TASL: variants seen among roughly 807,000 people sequenced by gnomAD.
TASL encodes TLR adaptor interacting with endolysosomal SLC15A4.
TASL carries 6 observed loss-of-function variants against 12.9 expected under a neutral mutation model. The observed-to-expected ratio is 0.46, with a 90% CI of 0.25 to 0.92. TASL has a LOEUF of 0.92. Ranked by LOEUF, TASL falls within the 40% of genes least tolerant of loss-of-function variation. The pLI is 0.17. For missense variants in TASL, 165 were observed against 212.8 expected (o/e 0.78, Z 1.40); for synonymous variants, 85 against 79.3 (o/e 1.07, Z -0.38).
intron 2 of TASL, among the ~76,000 whole-genome samples, chrX:30,568,919 A>T (rs760465104): frequency 9.4e-6 from 1 of 106,740 alleles, no homozygotes; most frequent in Non-Finnish European, 1.9e-5. Context: ...GGGTCTGATG[A>T]CGGAAAAACA....
Position 30,559,368 on chromosome X carries a change from C to A in TASL, c.*82G>T, listed in dbSNP as rs980974253. On this transcript the variant is annotated 3_prime_UTR_variant, in exon 3 of 3. Transcript: ENST00000378962. ...AGCCCTTAATTCCCCTTCACTAACC[C>A]CTCCTGCACATTCTCAGAATAAATG... is the stretch of plus-strand genomic sequence containing the variant. 6.8e-5 allele frequency: 51 copies of A among 751,407 alleles called. No homozygotes were observed. Among genetic ancestry groups the A allele is most frequent in the Non-Finnish European group, 9.5e-5 (49 of 516,544 alleles). The allele number at this position is 751,407 out of a possible 1,213,427, so 61.9% of individuals were successfully genotyped here. A position where few individuals can be genotyped will look rare whatever the true frequency, so the allele number is the denominator to read the frequency against.
intron 2 of TASL, 111 bp from the exon 3 acceptor site, chrX:30,560,467 T>C (rs752691713): frequency 2.7e-4 from 147 of 538,382 alleles, no homozygotes; most frequent in African/African-American, 1.7e-3. Flanking sequence ...CTTTATTCAT[T>C]CACCAAGCTC....
At position 30,561,149 on chromosome X, in the gene TASL, TATGAAATTAATTTGTGCTCAACACATC is replaced by T. The variant is rs1315096707; in HGVS notation, c.-1-820_-1-794del. Among the ~76,000 whole-genome samples the T allele has an allele frequency of 6.2e-5, 7 of 112,121 alleles. No homozygotes were observed. The Admixed American group carries it at 6.6e-4, about 11-fold the overall frequency. ...TAAAGAATTTTCAACAATGACATGG[TATGAAATTAATTTGTGCTCAACACATC>T]ATGAAGTACCACAAAGCCTACCCTG... On this transcript the variant is annotated intron_variant, in intron 2 of 2. Coordinates refer to ENST00000378962, the MANE Select transcript of TASL (RefSeq NM_025159.3).
At chrX:30,563,190 TAGAG>T (rs778329450) in intron 2 of TASL, among the ~76,000 whole-genome samples, 14 of 111,245 alleles carry the variant, frequency 1.3e-4, no homozygotes, top group Non-Finnish European at 2.5e-4. Flanking sequence ...GTTCTCGTGA[TAGAG>T]AGTTAGTTCT....
Position 30,559,669 on chromosome X carries a change from G to A in TASL, c.687C>T (p.Thr229=), listed in dbSNP as rs139726582. 2.3e-4 allele frequency: 282 copies of A among 1,206,476 alleles called. No homozygotes were observed. The highest frequency in any genetic ancestry group is 2.9e-4 in the Non-Finnish European group (262 of 892,291). The stretch of plus-strand genomic sequence containing the variant: ...GGGTAGGAGAACTGTCATGAAACAC[G>A]GTGTCCATAATGTACTGTTTATATA... ...VELYKQYIMD[T]VFHDSSPTQI... The change falls in exon 3 of 3, where the codon ACC becomes ACT. Residue 229 remains threonine (T), a synonymous_variant. Coordinates refer to ENST00000378962, the MANE Select transcript of TASL (RefSeq NM_025159.3).
chrX:30,571,974 GAAGCTATATATATATA>G (rs1175174827), intron 2 of TASL, among the ~76,000 whole-genome samples: 1 of 110,059 alleles, frequency 9.1e-6, no homozygotes, highest in African/African-American at 3.3e-5. Context: ...TCATCTTAGA[GAAGCTATATATATATA>G]AAGCTATATA....
intron 2 of TASL, among the ~76,000 whole-genome samples, chrX:30,561,006 TGGCAAA>T (rs1930413450): frequency 8.9e-6 from 1 of 111,859 alleles, no homozygotes; most frequent in Non-Finnish European, 1.9e-5. Context: ...AGAAAATCTG[TGGCAAA>T]TTCTACTGAA....
At chrX:30,563,054 A>C (rs1258275766) in intron 2 of TASL, among the ~76,000 whole-genome samples, 2 of 110,935 alleles carry the variant, frequency 1.8e-5, no homozygotes, top group East Asian at 5.7e-4. Context: ...TACAAGAGCC[A>C]TGGTGATATG....
intron 2 of TASL, among the ~76,000 whole-genome samples, chrX:30,570,576 T>TTATCATCTG (rs1275538344): frequency 9.0e-6 from 1 of 111,431 alleles, no homozygotes; most frequent in East Asian, 2.8e-4. Context: ...GACACTCAAC[T>TTATCATCTG]TATCATCTGT....
At chrX:30,563,827 A>C (rs1005012822) in intron 2 of TASL, among the ~76,000 whole-genome samples, 2 of 112,141 alleles carry the variant, frequency 1.8e-5, no homozygotes, top group Non-Finnish European at 3.8e-5. Context: ...GATATTGGGA[A>C]GAATGTTTTG....
At chrX:30,569,458 G>A (rs956244206) in intron 2 of TASL, among the ~76,000 whole-genome samples, 1 of 111,732 alleles carries the variant, frequency 8.9e-6, no homozygotes, top group African/African-American at 3.3e-5. Context: ...ACAAGAGATA[G>A]ACTGTCTGGG....
chrX:30,563,077 C>T (rs1277390641), intron 2 of TASL, among the ~76,000 whole-genome samples: 1 of 110,970 alleles, frequency 9.0e-6, no homozygotes, highest in Admixed American at 9.6e-5. Context: ...TTGCTGTGTC[C>T]CCACCCAAAT....
intron 2 of TASL, among the ~76,000 whole-genome samples, chrX:30,567,497 A>C (rs1158936594): frequency 1.8e-5 from 2 of 111,876 alleles, no homozygotes; most frequent in Admixed American, 1.9e-4. Context: ...TATTTTTATC[A>C]TATATGGCAG....
chrX:30,577,061 C>G (rs1365560388), intron 1 of TASL, among the ~76,000 whole-genome samples, 195 bp from the exon 2 acceptor site: 1 of 112,012 alleles, frequency 8.9e-6, no homozygotes, highest in African/African-American at 3.2e-5. Context: ...AGATGAAAGT[C>G]GAAAAGCATC....
In TASL at chrX:30,560,190, C is replaced by G; in HGVS notation, c.166G>C (p.Val56Leu). The G allele has an allele frequency of 1.7e-6, 2 of 1,211,034 alleles. No homozygotes were observed. Among genetic ancestry groups the G allele is most frequent in the Non-Finnish European group, 2.2e-6 (2 of 895,222 alleles). ...VDETQVRSLYVSCKSSGKFIS... is the reference protein window; with the variant it reads ...VDETQVRSLYLSCKSSGKFIS... ...AACTTGCCAGATGATTTGCAGCTCA[C>G]GTAGAGACTTCTGACTTGTGTTTCA... is the stretch of plus-strand genomic sequence containing the variant. The change falls in exon 3 of 3, where the codon GTG becomes CTG. Residue 56 changes from valine to leucine, a missense_variant. Val to Leu is a conservative substitution (Grantham distance 32). Transcript: ENST00000378962.
chrX:30,563,125 C>A (rs769781033), intron 2 of TASL, among the ~76,000 whole-genome samples: 1 of 111,507 alleles, frequency 9.0e-6, no homozygotes, highest in African/African-American at 3.3e-5. Flanking sequence ...CCCCACGTGT[C>A]GTGGGAGGGA....
rs1490630489 is a variant in TASL at position 30,559,954 on chromosome X, C to T, written c.402G>A (p.Val134=). The T allele has an allele frequency of 8.3e-7, 1 of 1,210,701 alleles. No homozygotes were observed. Among genetic ancestry groups the T allele is most frequent in the Admixed American group, 2.2e-5 (1 of 45,937 alleles). The change falls in exon 3 of 3, where the codon GTG becomes GTA. Residue 134 remains valine, a synonymous_variant. Transcript: ENST00000378962. ...YNDLQIAGGQ[V]MAINSVTTDF... ...CTGTTGTCACTGAATTAATGGCCAT[C>T]ACCTGGCCCCCTGCAATCTGTAAGT...
chrX:30,574,653 A>C (rs899050624), intron 2 of TASL, among the ~76,000 whole-genome samples: 1 of 112,007 alleles, frequency 8.9e-6, no homozygotes, highest in Non-Finnish European at 1.9e-5. Context: ...AGACAGGAAA[A>C]CATTTGTGAT....
chrX:30,565,908 CCA>C (rs1402613430), intron 2 of TASL, among the ~76,000 whole-genome samples: 1 of 109,546 alleles, frequency 9.1e-6, no homozygotes, highest in African/African-American at 3.3e-5. Context: ...GTAGCTGGGA[CCA>C]CAGGTGCACG....
Sources: gnomAD v4.1 joint callset for allele counts (sites outside exome capture counted in the v4.1 genomes callset) on GRCh38, gnomAD v4.1.1 for gene constraint, MANE v1.5 for transcripts, NCBI Gene and HGNC (gene_info 2026-07-23, HGNC 2026-07-21) for gene names.